MYBPC3: variants seen among roughly 807,000 people sequenced by gnomAD.
The protein encoded by MYBPC3 is myosin-binding protein C, cardiac-type.
MYBPC3 carries 108 observed loss-of-function variants against 159.3 expected under a neutral mutation model. The observed-to-expected ratio is 0.68, with a 90% CI of 0.58 to 0.80. The LOEUF (loss-of-function observed/expected upper bound fraction) is 0.80. Ranked by LOEUF, MYBPC3 falls within the 30% of genes least tolerant of loss-of-function variation. MYBPC3 has a pLI of 0.00. For missense variants in MYBPC3, 1,631 were observed against 1,762.1 expected (o/e 0.93, Z 1.33); for synonymous variants, 730 against 702.0 (o/e 1.04, Z -0.63).
chr11:47,332,212 G>A lies in MYBPC3; in HGVS notation c.3674C>T (p.Ala1225Val). The A allele has an allele frequency of 1.9e-6, 3 of 1,613,876 alleles. No homozygotes were observed. The highest frequency in any genetic ancestry group is 1.1e-5 in the South Asian group (1 of 91,086). ...FKNGLDLGED[A>V]RFRMFSKQGV... ...CTGCTTGCTGAACATGCGGAAGCGG[G>A]CGTCTTCTCCCAGGTCCAGGCCATT... Residue 1225 changes from alanine to valine, a missense_variant, in exon 33 of 35, where the codon GCC becomes GTC. Coordinates refer to ENST00000545968, the MANE Select transcript of MYBPC3 (RefSeq NM_000256.3). The surrounding 1 kb of genome is among the most constrained non-coding windows in gnomAD (Gnocchi z 4.2).
rs1060504240 is a variant in MYBPC3, at chr11:47,343,061, C to G, written c.1311G>C (p.Val437=). 4 of 1,613,006 alleles carry G rather than the reference C, an allele frequency of 2.5e-6. No individual in the cohort carries two copies. Among genetic ancestry groups the G allele is most frequent in the South Asian group, 1.1e-5 (1 of 90,878 alleles). ...CCGTGCTACACTTCTCGCCACCCACCACGCACTGGTAGGCTGCGTCGTCCG... is the reference window on the plus strand; with the variant it reads ...CCGTGCTACACTTCTCGCCACCCACGACGCACTGGTAGGCTGCGTCGTCCG... The part of the protein sequence containing the change: ...SLADDAAYQC[V]VGGEKCSTEL... Residue 437 remains valine, a synonymous_variant, in exon 15 of 35, where the codon GTG becomes GTC. Transcript: ENST00000545968.
intron 20 of MYBPC3, among the ~76,000 whole-genome samples, chr11:47,340,480 T>C (rs923336963): frequency 6.6e-6 from 1 of 152,060 alleles, no homozygotes; most frequent in East Asian, 1.9e-4. Context: ...CTGGCTAACA[T>C]GGTGAAACCC....
At chr11:47,337,846 A>G in intron 23 of MYBPC3, 52 bp from the exon 24 acceptor site, 1 of 1,486,318 alleles carries the variant, frequency 6.7e-7, no homozygotes, top group Non-Finnish European at 9.1e-7. Context: ...CAGGGCCTTG[A>G]GTAACGTTGC....
In MYBPC3 at chr11:47,332,991, G is replaced by C. The variant is rs1439887623; in HGVS notation, c.3331-18C>G. The stretch of plus-strand genomic sequence containing the variant: ...AACCACTCCTGGGGGCAGGGAGGGA[G>C]GGGAGGCATCTCTGGGCCAGGCCCT... On this transcript the variant is annotated intron_variant, in intron 30 of 34. Coordinates refer to ENST00000545968, the MANE Select transcript of MYBPC3 (RefSeq NM_000256.3). The surrounding 1 kb of genome is among the most constrained non-coding windows in gnomAD (Gnocchi z 4.2). 6.2e-7 allele frequency: 1 copy of C among 1,602,892 alleles called. No homozygotes were observed. The highest frequency in any genetic ancestry group is 1.7e-5 in the Admixed American group (1 of 58,806).
Position 47,331,727 on chromosome 11 carries a change from G to C in MYBPC3, c.*27-11C>G, listed in dbSNP as rs922849962. 1 of 1,111,728 alleles carries C rather than the reference G, an allele frequency of 9.0e-7. No individual in the cohort carries two copies. Among genetic ancestry groups the C allele is most frequent in the African/African-American group, 1.6e-5 (1 of 63,910 alleles). The allele number at this position is 1,111,728 out of a possible 1,614,324, so 68.9% of individuals were successfully genotyped here. A position where few individuals can be genotyped will look rare whatever the true frequency, so the allele number is the denominator to read the frequency against. On this transcript the variant is annotated splice_polypyrimidine_tract_variant and intron_variant, in intron 34 of 34. Coordinates refer to ENST00000545968, the MANE Select transcript of MYBPC3 (RefSeq NM_000256.3). ...GGCATCCGGTTGTACCTGCAACACA[G>C]GTTATCTTACGAGTGAATGGAGGGC...
At chr11:47,348,283 C>A (rs373731921) in intron 6 of MYBPC3, 141 bp downstream of exon 6, 2 of 671,806 alleles carry the variant, frequency 3.0e-6, no homozygotes, top group Non-Finnish European at 5.1e-6. Flanking sequence ...TCTCTCACAC[C>A]CTGTGTGTGC....
Position 47,339,382 on chromosome 11 carries a change from G to C in MYBPC3, c.2090C>G (p.Pro697Arg). The stretch of plus-strand genomic sequence containing the variant: ...TGTGTCCTCTGGGGCATCTGGGGCT[G>C]GCCTGGCTGGGGCCTTATTCCCCTG... ...ITQGNKAPAR[P>R]APDAPEDTGD... Residue 697 changes from proline to arginine, a missense_variant, in exon 22 of 35, where the codon CCA becomes CGA. By Grantham distance (103) the Pro-to-Arg change is moderately radical. Coordinates refer to ENST00000545968, the MANE Select transcript of MYBPC3 (RefSeq NM_000256.3). The C allele has an allele frequency of 6.2e-7, 1 of 1,614,056 alleles. No homozygotes were observed. Among genetic ancestry groups the C allele is most frequent in the Non-Finnish European group, 8.5e-7 (1 of 1,179,890 alleles).
At position 47,338,639 on chromosome 11, in the gene MYBPC3, G is replaced by C; in HGVS notation, c.2189C>G (p.Thr730Ser). The C allele has an allele frequency of 1.2e-6, 2 of 1,613,926 alleles. No individual in the cohort carries two copies. The change falls in exon 23 of 35, where the codon ACC becomes AGC. Residue 730 changes from threonine (T) to serine (S), a missense_variant. Coordinates refer to ENST00000545968, the MANE Select transcript of MYBPC3 (RefSeq NM_000256.3). The surrounding 1 kb of genome is among the most constrained non-coding windows in gnomAD (Gnocchi z 4.7). The part of the protein sequence containing the change: ...ETEGRVRVET[T>S]KDRSIFTVEG... ...GACCGTGAAGATGCTGCGGTCCTTG[G>C]TGGTCTCCACGCGGACCCGGCCCTC...
chr11:47,333,943 C>G lies in MYBPC3; in HGVS notation c.2973G>C (p.Val991=). The change falls in exon 28 of 35, where the codon GTG becomes GTC. Residue 991 remains valine (V), a synonymous_variant. Transcript: ENST00000545968. ...CCACCTGGAAAGGGATGAGAAGGTT[C>G]ACAGGCTCCCCGACCTTCTTCTGAA... ...QTIQKKVGEP[V]NLLIPFQGKP... is the part of the protein sequence containing the mutation. 1.3e-6 allele frequency: 2 copies of G among 1,580,060 alleles called. No individual in the cohort carries two copies. Among genetic ancestry groups the G allele is most frequent in the Non-Finnish European group, 1.7e-6 (2 of 1,163,076 alleles).
At chr11:47,336,703 C>T (rs1287824552) in intron 25 of MYBPC3, among the ~76,000 whole-genome samples, 2 of 152,290 alleles carry the variant, frequency 1.3e-5, no homozygotes, top group East Asian at 3.9e-4. Context: ...TTGGCCTGCC[C>T]TTGCCACAGG....
At chr11:47,339,610 C>A in intron 21 of MYBPC3, 41 bp downstream of exon 21, 4 of 1,532,522 alleles carry the variant, frequency 2.6e-6, no homozygotes, top group Non-Finnish European at 3.5e-6. Flanking sequence ...TTCCACACAC[C>A]CATCTTATAG....
chr11:47,335,181 C>A lies in MYBPC3; in HGVS notation c.2766G>T (p.Gly922=). ...GCSEWVAALQ[G]LTEHTSILVK... Reference sequence around the variant, plus strand: ...CCAGTATCGATGTGTGCTCTGTCAGCCCCTGCAGGGCAGCCACCCACTCTG... The same window carrying A: ...CCAGTATCGATGTGTGCTCTGTCAGACCCTGCAGGGCAGCCACCCACTCTG... The change falls in exon 27 of 35, where the codon GGG becomes GGT. Residue 922 remains glycine, a synonymous_variant. Coordinates refer to ENST00000545968, the MANE Select transcript of MYBPC3 (RefSeq NM_000256.3). The A allele has an allele frequency of 6.2e-7, 1 of 1,608,216 alleles. No homozygotes were observed. Among genetic ancestry groups the A allele is most frequent in the Non-Finnish European group, 8.5e-7 (1 of 1,176,948 alleles).
rs1467586022 is a variant in MYBPC3, at chr11:47,331,569, A to G, written c.*174T>C. The G allele has an allele frequency of 9.3e-6, 4 of 430,908 alleles. No homozygotes were observed. Among genetic ancestry groups the G allele is most frequent in the Non-Finnish European group, 1.7e-5 (4 of 236,934 alleles). The allele number at this position is 430,908 out of a possible 1,614,324, so 26.7% of individuals were successfully genotyped here. On this transcript the variant is annotated 3_prime_UTR_variant, in exon 35 of 35. Coordinates refer to ENST00000545968, the MANE Select transcript of MYBPC3 (RefSeq NM_000256.3). The stretch of plus-strand genomic sequence containing the variant: ...GGAGCCCTGTGGACCAGTCTGTGCA[A>G]CACCCACTCAGGACTGCCCGACAAC...
rs2095897359 is a variant in MYBPC3, at chr11:47,348,908, T to TTATATATATATGTATATATATATA, written c.655-368_655-367insTATATATATATACATATATATATA. Among the ~76,000 whole-genome samples the TTATATATATATGTATATATATATA allele has an allele frequency of 7.5e-5, 3 of 39,884 alleles. 1 individual carries two copies. The highest frequency in any genetic ancestry group is 1.6e-4 in the Non-Finnish European group (3 of 18,632). The allele number at this position is 39,884 out of a possible 152,430, so 26.2% of individuals were successfully genotyped here. A position where few individuals can be genotyped will look rare whatever the true frequency, so the allele number is the denominator to read the frequency against. On this transcript the variant is annotated intron_variant, in intron 5 of 34. Coordinates refer to ENST00000545968, the MANE Select transcript of MYBPC3 (RefSeq NM_000256.3). ...CGACAGAGCGAGACCCTGTCTCAAA[T>TTATATATATATGTATATATATATA]TATATATATATATATATATTTAAAG...
rs775335206 is a variant in MYBPC3 at position 47,352,577 on chromosome 11, AC to A, written c.25+45del. On this transcript the variant is annotated intron_variant, in intron 1 of 34. Transcript: ENST00000545968. ...CTAGCCCTGCTCCCCAATTGTAGAC[AC>A]CCCCCTGCTCCCACACTTAGACCCA... 1.9e-5 allele frequency: 30 copies of A among 1,592,716 alleles called. No individual in the cohort carries two copies. In the African/African-American group the frequency reaches 1.9e-4, roughly 10 times the overall value.
rs727505266 is a variant in MYBPC3 at position 47,343,496 on chromosome 11, C to T, written c.1219G>A (p.Gly407Ser). Residue 407 changes from glycine (G) to serine (S), a missense_variant, in exon 13 of 35, where the codon GGC (glycine) becomes AGC (serine). Coordinates refer to ENST00000545968, the MANE Select transcript of MYBPC3 (RefSeq NM_000256.3). ...CCTCCCCACCCCAGGCTGCACCTGC[C>T]GCTCATCTGGATCTCCTGGCCATTC... ...LKNGQEIQMS[G>S]SKYIFESIGA... is the part of the protein sequence containing the mutation. 5.7e-6 allele frequency: 9 copies of T among 1,589,498 alleles called. No homozygotes were observed. The highest frequency in any genetic ancestry group is 1.3e-5 in the African/African-American group (1 of 74,398).
rs1307685460 is a variant in MYBPC3, at chr11:47,337,419, G to A, written c.2574C>T (p.Ser858=). ...TAGGCATGAAGGGCTGGGAGGCAGG[G>A]CTGGGCCTGGACATGCCGATGGCGT... ...AVNAIGMSRP[S]PASQPFMPIG... is the part of the protein sequence containing the mutation. The change falls in exon 25 of 35, where the codon AGC becomes AGT. Residue 858 remains serine (S), a synonymous_variant. Transcript: ENST00000545968. The A allele has an allele frequency of 6.2e-7, 1 of 1,603,398 alleles. No homozygotes were observed. The highest frequency in any genetic ancestry group is 1.1e-5 in the South Asian group (1 of 90,696).
In MYBPC3 at chr11:47,342,611, C is replaced by T. The variant is rs397515912; in HGVS notation, c.1591G>A (p.Gly531Arg). 2.1e-5 allele frequency: 34 copies of T among 1,612,338 alleles called. No homozygotes were observed. Among genetic ancestry groups the T allele is most frequent in the East Asian group, 8.9e-5 (4 of 44,886 alleles). ...DAGHYALCTS[G>R]GQALAELIVQ... The stretch of plus-strand genomic sequence containing the variant: ...ATGAGCTCAGCCAGCGCCTGGCCCC[C>T]GCTAGTGCACAGTGCATAGTGCCCC... Residue 531 changes from glycine (G) to arginine (R), a missense_variant, in exon 17 of 35, where the codon GGG (glycine) becomes AGG (arginine). Coordinates refer to ENST00000545968, the MANE Select transcript of MYBPC3 (RefSeq NM_000256.3).
chr11:47,342,719 G>C lies in MYBPC3; in HGVS notation c.1483C>G (p.Arg495Gly), dbSNP rs397515905. The C allele has an allele frequency of 1.1e-5, 18 of 1,613,880 alleles. No homozygotes were observed. Among genetic ancestry groups the C allele is most frequent in the Non-Finnish European group, 1.5e-5 (18 of 1,179,878 alleles). Residue 495 changes from arginine (R) to glycine (G), a missense_variant, in exon 17 of 35, where the codon CGG (arginine) becomes GGG (glycine). By Grantham distance (125) the Arg-to-Gly change is moderately radical. Coordinates refer to ENST00000545968, the MANE Select transcript of MYBPC3 (RefSeq NM_000256.3). Reference sequence around the variant, plus strand: ...AACCGGTATTTGAAGGTCTCCTCCCGGGTCAGCTCCACCCCGTCCTTCAGC... The same window carrying C: ...AACCGGTATTTGAAGGTCTCCTCCCCGGTCAGCTCCACCCCGTCCTTCAGC... ...KWLKDGVELTREETFKYRFKK... is the reference protein window; with the variant it reads ...KWLKDGVELTGEETFKYRFKK...
Sources: allele counts gnomAD v4.1 joint callset (sites outside exome capture counted in the v4.1 genomes callset), GRCh38; gene constraint gnomAD v4.1.1; non-coding constraint Gnocchi (gnomAD v3.1); transcripts MANE v1.5; gene names NCBI Gene and HGNC (gene_info 2026-07-23, HGNC 2026-07-21).